AGBL4: variants seen among roughly 807,000 people sequenced by gnomAD.
AGBL4 encodes the protein AGBL carboxypeptidase 4.
In AGBL4, 58 loss-of-function variants were observed where a neutral mutation model predicts 66.4. The ratio of observed to expected loss-of-function variants is 0.87; its 90% confidence interval spans 0.71 to 1.09. The LOEUF is 1.09. AGBL4 is among the 50% of genes least tolerant of loss of function. The pLI is 0.00. For missense variants in AGBL4, 579 were observed against 631.0 expected, an observed-to-expected ratio of 0.92 and a Z score of 0.88; for synonymous variants, 234 against 222.9, an observed-to-expected ratio of 1.05 and a Z score of -0.44.
At chr1:49,725,492 C>G (rs1648950115) in intron 2 of AGBL4, among the ~76,000 whole-genome samples, 1 of 152,068 alleles carries the variant, frequency 6.6e-6, no homozygotes, top group African/African-American at 2.4e-5. Context: ...GCTGGGCTGT[C>G]CAGCTCTGCT....
At chr1:48,975,245 G>A (rs1659223451) in intron 5 of AGBL4, among the ~76,000 whole-genome samples, 1 of 152,152 alleles carries the variant, frequency 6.6e-6, no homozygotes, top group African/African-American at 2.4e-5. Context: ...GGATTTTGAA[G>A]GAAACATGCA....
intron 1 of AGBL4, among the ~76,000 whole-genome samples, chr1:49,961,629 A>C (rs573187879): frequency 1.5e-4 from 23 of 152,288 alleles, no homozygotes; most frequent in African/African-American, 5.3e-4. Context: ...TTATTTTAAT[A>C]AAAGATGCTT....
chr1:48,578,036 T>A (rs1429936566), intron 11 of AGBL4, among the ~76,000 whole-genome samples: 1 of 152,198 alleles, frequency 6.6e-6, no homozygotes, highest in South Asian at 2.1e-4. Flanking sequence ...TTGATTTTTT[T>A]GGGCTTCAAT....
At chr1:49,375,231 A>G (rs965603175) in intron 3 of AGBL4, among the ~76,000 whole-genome samples, 3 of 152,092 alleles carry the variant, frequency 2.0e-5, no homozygotes, top group African/African-American at 7.2e-5. Flanking sequence ...AGTGGGTAGA[A>G]GCATATGGGG....
intron 9 of AGBL4, among the ~76,000 whole-genome samples, chr1:48,623,300 A>G (rs1645445991): frequency 6.6e-6 from 1 of 152,240 alleles, no homozygotes; most frequent in South Asian, 2.1e-4. Context: ...GCTGAGTGGT[A>G]GAGCATCAAG....
intron 1 of AGBL4, among the ~76,000 whole-genome samples, chr1:49,875,363 G>T (rs1646966128): frequency 8.6e-6 from 1 of 116,332 alleles, no homozygotes; most frequent in Non-Finnish European, 1.7e-5. Context: ...GTGTCCATGT[G>T]ATCTCATTGT....
At chr1:48,723,206 G>A (rs998331582) in intron 6 of AGBL4, among the ~76,000 whole-genome samples, 2 of 152,160 alleles carry the variant, frequency 1.3e-5, no homozygotes, top group Non-Finnish European at 2.9e-5. Context: ...GCTGTGAGTG[G>A]AAACATTCTG....
At position 49,460,521 on chromosome 1, in the gene AGBL4, G is replaced by A. The variant is rs1469525816; in HGVS notation, c.283-214657C>T. On this transcript the variant is annotated intron_variant, in intron 3 of 13. Coordinates refer to ENST00000371839, the MANE Select transcript of AGBL4 (RefSeq NM_032785.4). ...GTCTCGTGAAGATAGTGGAAACTTGGTTGGTGAATTCTTATCCATTTTGCC... is the reference window on the plus strand; with the variant it reads ...GTCTCGTGAAGATAGTGGAAACTTGATTGGTGAATTCTTATCCATTTTGCC... 6.6e-5 allele frequency among the ~76,000 whole-genome samples: 10 copies of A among 151,608 alleles called. No homozygotes were observed. In the East Asian group the frequency reaches 1.8e-3, roughly 27 times the overall value.
chr1:49,699,541 A>G (rs1316342412), intron 2 of AGBL4, among the ~76,000 whole-genome samples: 1 of 152,062 alleles, frequency 6.6e-6, no homozygotes, highest in Non-Finnish European at 1.5e-5. Context: ...ACCCAAATAT[A>G]TCACTAAATG....
chr1:49,574,727 A>T (rs1644401133), intron 3 of AGBL4, among the ~76,000 whole-genome samples: 1 of 152,070 alleles, frequency 6.6e-6, no homozygotes, highest in Non-Finnish European at 1.5e-5. Context: ...TCAACCATCA[A>T]AGGCAAGGTG....
intron 6 of AGBL4, among the ~76,000 whole-genome samples, chr1:48,836,820 A>T (rs1646685726): frequency 1.3e-5 from 2 of 152,072 alleles, no homozygotes; most frequent in South Asian, 4.1e-4. Context: ...CAGTGTTTAA[A>T]TAGACTTAGA....
intron 3 of AGBL4, among the ~76,000 whole-genome samples, chr1:49,401,507 A>G (rs549275502): frequency 7.9e-5 from 12 of 152,350 alleles, no homozygotes; most frequent in African/African-American, 2.9e-4. Flanking sequence ...TATACCTGCG[A>G]TAATTCCTAC....
In AGBL4 at chr1:50,023,756, C is replaced by T; in HGVS notation, c.34+7G>A. The T allele has an allele frequency of 6.5e-7, 1 of 1,549,160 alleles. No homozygotes were observed. The highest frequency in any genetic ancestry group is 2.0e-5 in the Admixed American group (1 of 50,678). On this transcript the variant is annotated splice_region_variant and intron_variant, in intron 1 of 13. Coordinates refer to ENST00000371839, the MANE Select transcript of AGBL4 (RefSeq NM_032785.4). ...CAGCCTTCCCCAGATCGGCCGCCCC[C>T]ACAGACCTGCCTCAGGCGCCGACTG... is the stretch of plus-strand genomic sequence containing the variant.
intron 4 of AGBL4, among the ~76,000 whole-genome samples, chr1:49,077,095 C>CGT (rs3043747): frequency 0.43 from 65,083 of 150,454 alleles, 16,115 homozygotes; most frequent in Middle Eastern, 0.58. Context: ...CTTCTGTGTG[C>CGT]GTGTGTGTGT....
intron 4 of AGBL4, among the ~76,000 whole-genome samples, chr1:49,221,249 A>G (rs1649472705): frequency 6.6e-6 from 1 of 152,114 alleles, no homozygotes; most frequent in African/African-American, 2.4e-5. Flanking sequence ...TCTAAGCATT[A>G]TAGCTGAGTC....
chr1:48,776,917 T>G, intron 6 of AGBL4: 5 of 358,468 alleles, frequency 1.4e-5, no homozygotes, highest in East Asian at 1.0e-4. Context: ...GGCGCGAGTC[T>G]CGCTACGGTG....
intron 2 of AGBL4, among the ~76,000 whole-genome samples, chr1:49,754,321 A>T (rs1571492176): frequency 1.4e-5 from 2 of 147,408 alleles, no homozygotes. Flanking sequence ...TTATACTCTA[A>T]GTTTTAGGGT....
intron 8 of AGBL4, among the ~76,000 whole-genome samples, chr1:48,648,278 T>C (rs972010007): frequency 2.0e-5 from 3 of 152,220 alleles, no homozygotes; most frequent in African/African-American, 7.2e-5. Flanking sequence ...ATGAATTTGA[T>C]CACTTGAAGA....
intron 5 of AGBL4, among the ~76,000 whole-genome samples, chr1:48,939,682 C>A (rs927951172): frequency 2.0e-5 from 3 of 152,146 alleles, no homozygotes; most frequent in Non-Finnish European, 2.9e-5. Flanking sequence ...AGCTTCTGTA[C>A]CTTCTAGGTT....
Sources: allele counts gnomAD v4.1 joint callset (sites outside exome capture counted in the v4.1 genomes callset), GRCh38; gene constraint gnomAD v4.1.1; transcripts MANE v1.5; gene names NCBI Gene and HGNC (gene_info 2026-07-23, HGNC 2026-07-21).